Variants in IL17RD observed in about 807,000 individuals in gnomAD.
IL17RD encodes interleukin 17 receptor D, also known as interleukin-17 receptor D.
In IL17RD, 52 loss-of-function variants were observed where a neutral mutation model predicts 80.5. That is an observed-to-expected ratio of 0.65 (90% CI 0.52 to 0.81). The LOEUF is 0.81. Ranked by LOEUF, IL17RD falls within the 40% of genes least tolerant of loss-of-function variation. IL17RD has a pLI of 0.00. For synonymous variants in IL17RD, 416 were observed against 391.8 expected, an observed-to-expected ratio of 1.06 and a Z score of -0.73; for missense variants, 1,024 against 955.1, an observed-to-expected ratio of 1.07 and a Z score of -0.95.
upstream of IL17RD, among the ~76,000 whole-genome samples, chr3:57,165,851 A>G (rs1322767667): frequency 1.3e-5 from 2 of 151,978 alleles, no homozygotes; most frequent in African/African-American, 4.8e-5. Context: ...TGTCTCCACA[A>G]TACTTCCTCA....
chr3:57,120,410 C>A (rs1024365880), intron 1 of IL17RD, 97 bp from the exon 2 acceptor site: 5 of 828,698 alleles, frequency 6.0e-6, no homozygotes, highest in South Asian at 1.4e-5. Context: ...ACTGCTGAGA[C>A]CCAGGGTCAT....
intron 1 of IL17RD, 167 bp downstream of exon 1, chr3:57,164,994 C>G (rs1377654638): frequency 1.5e-6 from 2 of 1,335,338 alleles, no homozygotes; most frequent in Middle Eastern, 2.8e-4. Flanking sequence ...GGACACGCGT[C>G]CGGGGAGGGA....
chr3:57,103,976 CAGAAACTTAG>C (rs1476304949), intron 8 of IL17RD, among the ~76,000 whole-genome samples: 1 of 152,182 alleles, frequency 6.6e-6, no homozygotes, highest in African/African-American at 2.4e-5. Context: ...AGAATAGCAA[CAGAAACTTAG>C]AGAAGTATAG....
chr3:57,152,275 G>A (rs2060232406), intron 1 of IL17RD, among the ~76,000 whole-genome samples: 1 of 152,196 alleles, frequency 6.6e-6, no homozygotes, highest in Admixed American at 6.5e-5. Context: ...GGCAGAGGCT[G>A]CACACCATTC....
Position 57,110,220 on chromosome 3 carries a change from C to T in IL17RD, c.402G>A (p.Lys134=), listed in dbSNP as rs1031797383. The T allele has an allele frequency of 1.9e-5, 31 of 1,604,260 alleles. No homozygotes were observed. Among genetic ancestry groups the T allele is most frequent in the Non-Finnish European group, 2.6e-5 (31 of 1,175,130 alleles). ...QCQQLILKDP[K]QLNSSFKRTG... ...TTCTTTTGAAGCTACTGTTGAGCTG[C>T]TTCGGATCCTTTAGAATCAGTTGTT... The change falls in exon 4 of 13, where the codon AAG becomes AAA. Residue 134 remains lysine, a synonymous_variant. Coordinates refer to ENST00000296318, the MANE Select transcript of IL17RD (RefSeq NM_017563.5).
intron 1 of IL17RD, among the ~76,000 whole-genome samples, chr3:57,151,355 A>G (rs754805499): frequency 6.6e-6 from 1 of 152,226 alleles, no homozygotes; most frequent in African/African-American, 2.4e-5. Context: ...AGTAACAAAA[A>G]CAGAGGCACA....
At chr3:57,160,186 C>A (rs944907768) in intron 1 of IL17RD, among the ~76,000 whole-genome samples, 1 of 151,624 alleles carries the variant, frequency 6.6e-6, no homozygotes, top group African/African-American at 2.4e-5. Flanking sequence ...AAAGAGGCAG[C>A]GGGGAATGAA....
At chr3:57,121,893 C>A (rs2107500495) in intron 1 of IL17RD, among the ~76,000 whole-genome samples, 1 of 152,290 alleles carries the variant, frequency 6.6e-6, no homozygotes, top group South Asian at 2.1e-4. Context: ...GACATAAACT[C>A]ACTCCCCATC....
intron 1 of IL17RD, among the ~76,000 whole-genome samples, chr3:57,152,176 G>A (rs1183638168): frequency 6.6e-6 from 1 of 152,086 alleles, no homozygotes; most frequent in African/African-American, 2.4e-5. Flanking sequence ...CCAAGCAAAG[G>A]CAAGCTGCCC....
rs1401715931 is a variant in IL17RD, at chr3:57,163,803, A to AGGGGGGGGGGGGGG, written c.126+1357_126+1358insCCCCCCCCCCCCCC. 2.2e-3 allele frequency among the ~76,000 whole-genome samples: 12 copies of AGGGGGGGGGGGGGG among 5,556 alleles called. 1 individual carries two copies. Among genetic ancestry groups the AGGGGGGGGGGGGGG allele is most frequent in the Non-Finnish European group, 2.8e-3 (6 of 2,170 alleles). The allele number at this position is 5,556 out of a possible 152,430, so 3.6% of individuals were successfully genotyped here. On this transcript the variant is annotated intron_variant, in intron 1 of 12. Transcript: ENST00000296318. ...AATGGGGCGGGGGGGCGGGGGGGGA[A>AGGGGGGGGGGGGGG]GGGGGTGGCGGGGGCGGAGGCAGAG... is the stretch of plus-strand genomic sequence containing the variant.
rs3215002 is a variant in IL17RD at position 57,103,204 on chromosome 3, GA to G, written c.814-60del. 231,139 of 1,377,730 alleles carry G rather than the reference GA, an allele frequency of 0.17. 22,293 individuals are homozygous for G. Among genetic ancestry groups the G allele is most frequent in the East Asian group, 0.36 (14,792 of 40,842 alleles). The allele number at this position is 1,377,730 out of a possible 1,614,324, so 85.3% of individuals were successfully genotyped here. A position where few individuals can be genotyped will look rare whatever the true frequency, so the allele number is the denominator to read the frequency against. On this transcript the variant is annotated intron_variant, in intron 8 of 12. Transcript: ENST00000296318. ...TAAAGTGATATATACCAGGTAAGTG[GA>G]AAAAAATGGTAATTTCATTCATCTT...
At chr3:57,114,640 T>C (rs923687585) in intron 3 of IL17RD, 52 bp downstream of exon 3, 4 of 1,531,064 alleles carry the variant, frequency 2.6e-6, no homozygotes, top group Non-Finnish European at 3.5e-6. Flanking sequence ...ACCTTTGCAC[T>C]GGGCCCTATC....
At chr3:57,113,975 G>A (rs1360931831) in intron 3 of IL17RD, among the ~76,000 whole-genome samples, 1 of 151,894 alleles carries the variant, frequency 6.6e-6, no homozygotes, top group Non-Finnish European at 1.5e-5. Context: ...CACGAGGTCA[G>A]GAGTTTGAGA....
chr3:57,166,528 C>G (rs563740435), upstream of IL17RD, among the ~76,000 whole-genome samples: 2 of 151,266 alleles, frequency 1.3e-5, no homozygotes, highest in Admixed American at 6.6e-5. Context: ...AACAAACAAA[C>G]AAACAAACCT....
chr3:57,163,043 G>A (rs146293918), intron 1 of IL17RD, among the ~76,000 whole-genome samples: 1 of 152,204 alleles, frequency 6.6e-6, no homozygotes, highest in Non-Finnish European at 1.5e-5. Context: ...TCCGGAGTTA[G>A]GAGCAGGATG....
intron 9 of IL17RD, 80 bp downstream of exon 9, chr3:57,103,011 T>A (rs1579261399): frequency 9.9e-7 from 1 of 1,012,248 alleles, no homozygotes; most frequent in East Asian, 2.6e-5. Flanking sequence ...TTTGTTTCTG[T>A]AAATCATGAA....
Position 57,101,335 on chromosome 3 carries a change from C to G in IL17RD, c.1008G>C (p.Glu336Asp), listed in dbSNP as rs1234955048. ...QENIYSHLDE[E>D]SSESSTYTAA... ...CAGTGTATGTGGAAGACTCAGAGCT[C>G]TCTTCATCTAAATGTGAATATATAT... The change falls in exon 11 of 13, where the codon GAG becomes GAC. Residue 336 changes from glutamate to aspartate, a missense_variant. Coordinates refer to ENST00000296318, the MANE Select transcript of IL17RD (RefSeq NM_017563.5). The G allele has an allele frequency of 1.2e-6, 2 of 1,610,186 alleles. No homozygotes were observed. Among genetic ancestry groups the G allele is most frequent in the Middle Eastern group, 1.7e-4 (1 of 5,968 alleles).
At chr3:57,133,955 G>A (rs900141316) in intron 1 of IL17RD, among the ~76,000 whole-genome samples, 2 of 152,184 alleles carry the variant, frequency 1.3e-5, no homozygotes, top group Non-Finnish European at 2.9e-5. Flanking sequence ...AAGTAATATG[G>A]TGAAATTAAA....
At chr3:57,103,002 T>C in intron 9 of IL17RD, 89 bp downstream of exon 9, 1 of 933,334 alleles carries the variant, frequency 1.1e-6, no homozygotes, top group East Asian at 2.6e-5. Flanking sequence ...AAATTTTGTT[T>C]TGTTTCTGTA....
Sources: allele counts gnomAD v4.1 joint callset (sites outside exome capture counted in the v4.1 genomes callset), GRCh38; gene constraint gnomAD v4.1.1; transcripts MANE v1.5; gene names NCBI Gene and HGNC (gene_info 2026-07-23, HGNC 2026-07-21).